Variants in FBLN7 observed in about 807,000 individuals in gnomAD.
FBLN7 encodes the protein fibulin-7.
FBLN7 carries 31 observed loss-of-function variants against 44.0 expected under a neutral mutation model. The ratio of observed to expected loss-of-function variants is 0.70; its 90% CI spans 0.53 to 0.95. FBLN7 has a LOEUF of 0.95. Among genes scored for constraint, FBLN7 ranks in the 40% least tolerant of loss-of-function variants. The pLI is 0.00. For missense variants in FBLN7, 573 were observed against 618.5 expected, an observed-to-expected ratio of 0.93 and a Z score of 0.78; for synonymous variants, 262 against 253.4, an observed-to-expected ratio of 1.03 and a Z score of -0.32.
chr2:112,165,996 G>A (rs896815815), intron 3 of FBLN7, among the ~76,000 whole-genome samples: 2 of 152,102 alleles, frequency 1.3e-5, no homozygotes, highest in East Asian at 1.9e-4. Context: ...GGAGAAACAC[G>A]GACATTATAT....
At chr2:112,202,220 C>A in the FBLN7 span, among the ~76,000 whole-genome samples, 1 of 152,126 alleles carries the variant, frequency 6.6e-6, no homozygotes, top group Non-Finnish European at 1.5e-5. Context: ...TGCACTTTAT[C>A]TGTTAATTGT....
chr2:112,160,741 CA>C, intron 2 of FBLN7, among the ~76,000 whole-genome samples: 2 of 47,594 alleles, frequency 4.2e-5, no homozygotes, highest in African/African-American at 2.7e-4. Context: ...CGCACACGCA[CA>C]CACGCGCACG....
chr2:112,180,125 A>C (rs1006002302), intron 4 of FBLN7, among the ~76,000 whole-genome samples: 1 of 152,214 alleles, frequency 6.6e-6, no homozygotes, highest in South Asian at 2.1e-4. Flanking sequence ...TCTATAAGGA[A>C]CTTAAATTTA....
At chr2:112,233,107 A>T in the FBLN7 span, 1 of 536,572 alleles carries the variant, frequency 1.9e-6, no homozygotes, top group East Asian at 3.5e-5. Context: ...CTTATGAAAA[A>T]ATCCACGTAC....
the FBLN7 span, among the ~76,000 whole-genome samples, chr2:112,220,818 T>C: frequency 6.6e-6 from 1 of 152,174 alleles, no homozygotes; most frequent in South Asian, 2.1e-4. Context: ...CGAAACTCCA[T>C]CTCAAAAACA....
chr2:112,202,727 T>C, the FBLN7 span, among the ~76,000 whole-genome samples: 1 of 152,138 alleles, frequency 6.6e-6, no homozygotes, highest in East Asian at 1.9e-4. Context: ...CATTCTCCTC[T>C]CCCCAGCTCC....
intron 4 of FBLN7, among the ~76,000 whole-genome samples, chr2:112,180,596 T>A (rs1046147186): frequency 6.6e-6 from 1 of 152,120 alleles, no homozygotes; most frequent in African/African-American, 2.4e-5. Context: ...CCAACCTAAA[T>A]GCTCGTCAAT....
the FBLN7 span, among the ~76,000 whole-genome samples, chr2:112,221,156 A>G: frequency 6.6e-6 from 1 of 151,956 alleles, no homozygotes; most frequent in Non-Finnish European, 1.5e-5. Flanking sequence ...TCAGTCTTTG[A>G]TATGGTTTGA....
chr2:112,169,405 C>A (rs1249371745), intron 3 of FBLN7, among the ~76,000 whole-genome samples: 1 of 152,144 alleles, frequency 6.6e-6, no homozygotes, highest in Admixed American at 6.6e-5. Flanking sequence ...CTTTTTTCCT[C>A]CTCCTTTCTC....
chr2:112,144,537 T>G (rs971438821), intron 1 of FBLN7, among the ~76,000 whole-genome samples: 2 of 148,854 alleles, frequency 1.3e-5, no homozygotes, highest in Non-Finnish European at 3.0e-5. Flanking sequence ...TTTTTTTTTT[T>G]TTTTTGAGAC....
At chr2:112,181,044 A>G (rs963628438) in intron 4 of FBLN7, among the ~76,000 whole-genome samples, 3 of 152,086 alleles carry the variant, frequency 2.0e-5, no homozygotes, top group Non-Finnish European at 2.9e-5. Flanking sequence ...GGAAACATGG[A>G]TGGAGCTGGA....
At chr2:112,161,098 G>A (rs527973175) in intron 2 of FBLN7, among the ~76,000 whole-genome samples, 102 of 152,278 alleles carry the variant, frequency 6.7e-4, no homozygotes, top group South Asian at 1.7e-3. Context: ...TTTCATGCTT[G>A]CCCTGTAACA....
At chr2:112,238,601 A>G in the FBLN7 span, 1 of 1,279,622 alleles carries the variant, frequency 7.8e-7, no homozygotes, top group East Asian at 2.3e-5. Context: ...CAGAAGAAAC[A>G]AGATTGGCTA....
In FBLN7 at chr2:112,138,592, G is replaced by T; in HGVS notation, c.-64G>T. 1 of 1,612,168 alleles carries T rather than the reference G, an allele frequency of 6.2e-7. No homozygotes were observed. Among genetic ancestry groups the T allele is most frequent in the East Asian group, 2.2e-5 (1 of 44,794 alleles). On this transcript the variant is annotated 5_prime_UTR_variant, in exon 1 of 8. Transcript: ENST00000331203. ...GCAGGGACGGCTGCCGCATCGCTGG[G>T]ACAAACTCGGCAGCGGAGGCAAAGT...
intron 6 of FBLN7, among the ~76,000 whole-genome samples, chr2:112,184,917 A>G (rs1320421873): frequency 1.3e-5 from 2 of 151,658 alleles, no homozygotes; most frequent in African/African-American, 4.8e-5. Flanking sequence ...GACAGGTCTA[A>G]GAGAAGCATT....
At chr2:112,159,880 G>C in intron 2 of FBLN7, 45 bp downstream of exon 2, 4 of 1,456,288 alleles carry the variant, frequency 2.7e-6, no homozygotes, top group East Asian at 2.8e-5. Flanking sequence ...CGCAGCACTC[G>C]AGCACTCTCC....
chr2:112,185,307 C>A lies in FBLN7; in HGVS notation c.915C>A (p.Ser305Arg), dbSNP rs149677049. 3 of 1,613,624 alleles carry A rather than the reference C, an allele frequency of 1.9e-6. No homozygotes were observed. Among genetic ancestry groups the A allele is most frequent in the African/African-American group, 2.7e-5 (2 of 74,890 alleles). ...QCVSPECPEG[S>R]GNVSYVKTSP... ...TCAGCCCTGAGTGCCCCGAGGGCAG[C>A]GGCAATGTGAGCTACGTGAAGACGT... Residue 305 changes from serine (S) to arginine (R), a missense_variant, in exon 7 of 8, where the codon AGC becomes AGA. By Grantham distance (110) the Ser-to-Arg change is moderately radical. Coordinates refer to ENST00000331203, the MANE Select transcript of FBLN7 (RefSeq NM_153214.3).
the FBLN7 span, among the ~76,000 whole-genome samples, chr2:112,244,486 G>A: frequency 2.0e-5 from 3 of 152,264 alleles, no homozygotes; most frequent in Non-Finnish European, 4.4e-5. Flanking sequence ...AGGTATATAA[G>A]ATGTGAGATA....
At chr2:112,177,268 G>A (rs2104594678) in intron 4 of FBLN7, 1 of 152,344 alleles carries the variant, frequency 6.6e-6, no homozygotes, top group Non-Finnish European at 1.5e-5. Flanking sequence ...CTCAGGTCCA[G>A]GGGGGCCTGT....
Sources: allele counts gnomAD v4.1 joint callset (sites outside exome capture counted in the v4.1 genomes callset), GRCh38; gene constraint gnomAD v4.1.1; transcripts MANE v1.5; gene names NCBI Gene and HGNC (gene_info 2026-07-23, HGNC 2026-07-21).